Variants in UGT1A8 observed in about 807,000 individuals in gnomAD.
UGT1A8 encodes the protein UDP-glucuronosyltransferase 1A8.
Under a neutral mutation model 45.3 loss-of-function variants are expected in UGT1A8, and 39 were observed. That is an observed-to-expected ratio of 0.86 (90% confidence interval 0.67 to 1.12). The LOEUF is 1.12. Among genes scored for constraint, UGT1A8 ranks in the 50% most tolerant of loss-of-function variants. UGT1A8 has a pLI of 0.00. For synonymous variants in UGT1A8, 275 were observed against 249.2 expected (o/e 1.10, Z -0.97); for missense variants, 719 against 664.9 (o/e 1.08, Z -0.90).
intron 1 of UGT1A8, chr2:233,648,440 TTTA>T (rs71058568): frequency 6.4e-6 from 1 of 156,636 alleles, no homozygotes; most frequent in Non-Finnish European, 1.4e-5. Flanking sequence ...GCTGTGACTT[TTTA>T]TTATTATTAT....
At chr2:233,688,575 A>C (rs2074901889) in intron 1 of UGT1A8, among the ~76,000 whole-genome samples, 2 of 152,162 alleles carry the variant, frequency 1.3e-5, no homozygotes, top group South Asian at 4.1e-4. Flanking sequence ...ACATGAGTTC[A>C]TCTTGTTTTG....
At chr2:233,707,056 A>AC (rs1214860717) in intron 1 of UGT1A8, among the ~76,000 whole-genome samples, 2 of 152,112 alleles carry the variant, frequency 1.3e-5, no homozygotes, top group Non-Finnish European at 2.9e-5. Flanking sequence ...GCTCAGGTGG[A>AC]CAGAGTCCCA....
intron 1 of UGT1A8, among the ~76,000 whole-genome samples, chr2:233,744,558 A>G (rs1559389162): frequency 6.6e-6 from 1 of 151,960 alleles, no homozygotes; most frequent in Non-Finnish European, 1.5e-5. Flanking sequence ...GACAAAATGT[A>G]GTGAGAAGAG....
rs537688236 is a variant in UGT1A8, at chr2:233,769,340, T to C, written c.1295+901T>C. On this transcript the variant is annotated intron_variant, in intron 4 of 4. Coordinates refer to ENST00000373450, the MANE Select transcript of UGT1A8 (RefSeq NM_019076.5). The surrounding 1 kb of genome is among the most constrained non-coding windows in gnomAD (Gnocchi z 4.4). The stretch of plus-strand genomic sequence containing the variant: ...CACTGGTAATAGGCTTATTAGAACC[T>C]TATGGGAAGAAGTGGTGGCCAGTGG... Among the ~76,000 whole-genome samples, 3 of 152,228 alleles carry C rather than the reference T, an allele frequency of 2.0e-5. No individual in the cohort carries two copies. The South Asian group carries it at 6.2e-4, about 32-fold the overall frequency.
chr2:233,656,855 G>A (rs1312524241), intron 1 of UGT1A8, among the ~76,000 whole-genome samples: 2 of 152,006 alleles, frequency 1.3e-5, no homozygotes, highest in Admixed American at 6.5e-5. Flanking sequence ...CACGTTCCTG[G>A]GCATCCCTAT....
chr2:233,636,857 C>T, intron 1 of UGT1A8: 1 of 1,614,194 alleles, frequency 6.2e-7, no homozygotes, highest in Non-Finnish European at 8.5e-7. Context: ...TTAATGAGTT[C>T]ATCCAGTGGT....
chr2:233,727,441 G>T (rs2077617146), intron 1 of UGT1A8, among the ~76,000 whole-genome samples: 1 of 152,130 alleles, frequency 6.6e-6, no homozygotes, highest in African/African-American at 2.4e-5. Flanking sequence ...CATGTGACAA[G>T]AAATCAGATG....
rs531022939 is a variant in UGT1A8, at chr2:233,675,047, G to A, written c.855+56485G>A. ...TATGTGTTTGCACATGTATGTGTTT[G>A]TGTATGTGCAGGTGTGTTTGTGTGC... On this transcript the variant is annotated intron_variant, in intron 1 of 4. Coordinates refer to ENST00000373450, the MANE Select transcript of UGT1A8 (RefSeq NM_019076.5). 6.9e-4 allele frequency among the ~76,000 whole-genome samples: 105 copies of A among 152,282 alleles called. 1 individual carries two copies. The highest frequency in any genetic ancestry group is 2.3e-3 in the African/African-American group (94 of 41,542).
chr2:233,771,360 A>G (rs1369585648), intron 4 of UGT1A8: 1 of 151,838 alleles, frequency 6.6e-6, no homozygotes, highest in African/African-American at 2.4e-5. Flanking sequence ...GGGTTGAAGC[A>G]CCTAACCCGT....
chr2:233,718,990 A>T (rs772339197), intron 1 of UGT1A8: 1 of 1,614,266 alleles, frequency 6.2e-7, no homozygotes, highest in Non-Finnish European at 8.5e-7. Flanking sequence ...AGAGGCCACC[A>T]GGCGGTGGTC....
intron 1 of UGT1A8, among the ~76,000 whole-genome samples, chr2:233,727,395 G>C (rs1447240084): frequency 2.6e-5 from 4 of 152,142 alleles, no homozygotes; most frequent in Non-Finnish European, 4.4e-5. Context: ...CGTCTTCCAA[G>C]ATACATGGGC....
At chr2:233,711,907 T>C (rs1300995032) in intron 1 of UGT1A8, among the ~76,000 whole-genome samples, 1 of 152,214 alleles carries the variant, frequency 6.6e-6, no homozygotes, top group Non-Finnish European at 1.5e-5. Context: ...GTGAGACCAT[T>C]GTGAGTGCTC....
At chr2:233,671,515 G>A (rs1553603551) in intron 1 of UGT1A8, among the ~76,000 whole-genome samples, 1 of 152,194 alleles carries the variant, frequency 6.6e-6, no homozygotes, top group Non-Finnish European at 1.5e-5. Context: ...ATCTTCTCTG[G>A]ACAGAGAGTA....
chr2:233,715,511 C>T (rs1206951556), intron 1 of UGT1A8, among the ~76,000 whole-genome samples: 1 of 152,146 alleles, frequency 6.6e-6, no homozygotes, highest in African/African-American at 2.4e-5. Flanking sequence ...GTAGCTCACA[C>T]CTGTAATTTC....
chr2:233,652,061 G>A (rs2073756611), intron 1 of UGT1A8, among the ~76,000 whole-genome samples: 1 of 152,184 alleles, frequency 6.6e-6, no homozygotes, highest in Non-Finnish European at 1.5e-5. Flanking sequence ...TTGATGACTA[G>A]GTCCAGTAGG....
chr2:233,693,795 C>T (rs1559346736), intron 1 of UGT1A8: 1 of 1,614,186 alleles, frequency 6.2e-7, no homozygotes, highest in East Asian at 2.2e-5. Flanking sequence ...CTTGAATATC[C>T]TAGGCCGGTC....
At position 233,750,714 on chromosome 2, in the gene UGT1A8, G is replaced by A. The variant is rs569716311; in HGVS notation, c.856-16320G>A. On this transcript the variant is annotated intron_variant, in intron 1 of 4. Coordinates refer to ENST00000373450, the MANE Select transcript of UGT1A8 (RefSeq NM_019076.5). ...TAAAAGAGGCCAAGGTAGAGCTCAG[G>A]CCATTGCTTCAGAGGGTGCAAACCT... The A allele has an allele frequency of 6.6e-5, 10 of 152,072 alleles. No individual in the cohort carries two copies. In the South Asian group the frequency reaches 8.3e-4, roughly 13 times the overall value. The allele number at this position is 152,072 out of a possible 1,614,324, so 9.4% of individuals were successfully genotyped here. A position where few individuals can be genotyped will look rare whatever the true frequency, so the allele number is the denominator to read the frequency against.
At chr2:233,669,726 C>T (rs28970006) in intron 1 of UGT1A8, among the ~76,000 whole-genome samples, 3,021 of 152,188 alleles carry the variant, frequency 0.02, 101 homozygotes, top group African/African-American at 0.069. Context: ...CTGTTTTGCC[C>T]GGGCTGGAGT....
At chr2:233,648,440 T>TTTA (rs71058568) in intron 1 of UGT1A8, 33,249 of 156,618 alleles carry the variant, frequency 0.21, 4,563 homozygotes, top group South Asian at 0.37. Flanking sequence ...GCTGTGACTT[T>TTTA]TTATTATTAT....
Sources: gnomAD v4.1 joint callset for allele counts (sites outside exome capture counted in the v4.1 genomes callset) on GRCh38, gnomAD v4.1.1 for gene constraint, Gnocchi (gnomAD v3.1) non-coding constraint, MANE v1.5 for transcripts, NCBI Gene and HGNC (gene_info 2026-07-23, HGNC 2026-07-21) for gene names.